Variants in CALN1 observed in about 807,000 individuals in gnomAD.
CALN1 encodes the protein calcium-binding protein 8.
Under a neutral mutation model 30.6 loss-of-function variants are expected in CALN1, and 17 were observed. The ratio of observed to expected loss-of-function variants is 0.56; its 90% CI spans 0.38 to 0.83. The LOEUF is 0.83. CALN1 is among the 40% of genes least tolerant of loss of function. The probability of loss-of-function intolerance (pLI) is 0.00; values close to 1 mark genes in which losing one functional copy is unlikely to be tolerated. For synonymous variants in CALN1, 156 were observed against 131.4 expected (o/e 1.19, Z -1.28); for missense variants, 291 against 354.9 (o/e 0.82, Z 1.45).
chr7:71,900,329 G>C (rs1262690226), intron 5 of CALN1, among the ~76,000 whole-genome samples: 1 of 152,152 alleles, frequency 6.6e-6, no homozygotes, highest in Non-Finnish European at 1.5e-5. Flanking sequence ...TCTATCAAGA[G>C]AAAGAAAGAC....
chr7:72,349,238 T>C (rs1049562927), intron 2 of CALN1, among the ~76,000 whole-genome samples: 1 of 151,814 alleles, frequency 6.6e-6, no homozygotes, highest in African/African-American at 2.4e-5. Context: ...TCGATTTTAA[T>C]ACCTAAAGCG....
chr7:72,465,825 CG>C, the CALN1 span, among the ~76,000 whole-genome samples: 1 of 152,272 alleles, frequency 6.6e-6, no homozygotes, highest in East Asian at 1.9e-4. Context: ...CCACTCAGAG[CG>C]CGGAATCCCC....
rs563238675 is a variant in CALN1, at chr7:72,220,852, T to C, written c.244+57834A>G. ...TGCATAAATGTCTTCTTCTGAGAAG[T>C]GTCTGTTCATGTCCTTCGCCCACTT... On this transcript the variant is annotated intron_variant, in intron 3 of 6. Coordinates refer to ENST00000395275, the MANE Select transcript of CALN1 (RefSeq NM_031468.4). 6.6e-5 allele frequency among the ~76,000 whole-genome samples: 10 copies of C among 152,316 alleles called. No homozygotes were observed. In the South Asian group the frequency reaches 2.1e-3, roughly 32 times the overall value.
chr7:72,499,826 CTTCTTTCTTTCTTTCTTTCTTTCTTTCT>C, the CALN1 span, among the ~76,000 whole-genome samples: 293 of 53,204 alleles, frequency 5.5e-3, 8 homozygotes, highest in Non-Finnish European at 7.4e-3. Flanking sequence ...TCCTTCCTTC[CTTCTTTCTTTCTTTCTTTCTTTCTTTCT>C]TTCTTTCTTT....
chr7:72,477,595 T>C, the CALN1 span, among the ~76,000 whole-genome samples: 1 of 152,176 alleles, frequency 6.6e-6, no homozygotes, highest in Non-Finnish European at 1.5e-5. Flanking sequence ...CTTTTTGTTG[T>C]TGTTTTTGTA....
At chr7:72,243,445 G>C (rs945069921) in intron 3 of CALN1, among the ~76,000 whole-genome samples, 1 of 152,168 alleles carries the variant, frequency 6.6e-6, no homozygotes, top group Non-Finnish European at 1.5e-5. Context: ...ACTGTCTAAC[G>C]TTTGTTTGTT....
chr7:72,227,236 T>TA (rs34824953), intron 3 of CALN1, among the ~76,000 whole-genome samples: 4,617 of 144,104 alleles, frequency 0.032, 228 homozygotes, highest in African/African-American at 0.11. Context: ...ATTAAAAGCT[T>TA]AAAAAAAAAA....
intron 4 of CALN1, among the ~76,000 whole-genome samples, chr7:72,039,294 C>T (rs993848813): frequency 1.3e-5 from 2 of 152,148 alleles, no homozygotes; most frequent in African/African-American, 4.8e-5. Context: ...GCTTGAGGAG[C>T]AGCTATGTAG....
chr7:72,284,483 T>C (rs773274260), intron 2 of CALN1, among the ~76,000 whole-genome samples: 2 of 149,718 alleles, frequency 1.3e-5, no homozygotes, highest in South Asian at 2.2e-4. Context: ...TTTGAATTGG[T>C]AGTCTGAGTA....
intron 3 of CALN1, among the ~76,000 whole-genome samples, chr7:72,116,596 G>A (rs1808000437): frequency 6.6e-6 from 1 of 152,106 alleles, no homozygotes; most frequent in Admixed American, 6.6e-5. Flanking sequence ...CCATGCAAAA[G>A]GGCACAGCTA....
At chr7:72,259,944 T>C (rs1320064022) in intron 3 of CALN1, among the ~76,000 whole-genome samples, 1 of 152,210 alleles carries the variant, frequency 6.6e-6, no homozygotes, top group East Asian at 1.9e-4. Flanking sequence ...AGCATCAATA[T>C]ACCTTGTCCA....
rs73369884 is a variant in CALN1, at chr7:72,072,229, A to G, written c.388+33922T>C. On this transcript the variant is annotated intron_variant, in intron 4 of 6. Transcript: ENST00000395275. The stretch of plus-strand genomic sequence containing the variant: ...CCCACATCAAGACATACTATAGTCA[A>G]ACTTTCAAAAGACAAAGAGAAAATC... Among the ~76,000 whole-genome samples the G allele has an allele frequency of 3.5e-3, 539 of 152,346 alleles. 7 individuals are homozygous for G. Among genetic ancestry groups the G allele is most frequent in the African/African-American group, 0.012 (505 of 41,590 alleles).
Position 71,779,841 on chromosome 7 carries a change from G to A in CALN1, c.*7934C>T, listed in dbSNP as rs868702223. 5 of 152,164 alleles carry A rather than the reference G, an allele frequency of 3.3e-5. No homozygotes were observed. The highest frequency in any genetic ancestry group is 1.3e-4 in the Admixed American group (2 of 15,284). The allele number at this position is 152,164 out of a possible 1,614,324, so 9.4% of individuals were successfully genotyped here. A position where few individuals can be genotyped will look rare whatever the true frequency, so the allele number is the denominator to read the frequency against. On this transcript the variant is annotated 3_prime_UTR_variant, in exon 7 of 7. Coordinates refer to ENST00000395275, the MANE Select transcript of CALN1 (RefSeq NM_031468.4). Reference sequence around the variant, plus strand: ...GGGAAGATGGTGATTGATGAGTTCCGTCTTAGTGGCTTATTCTGGATATGA... The same window carrying A: ...GGGAAGATGGTGATTGATGAGTTCCATCTTAGTGGCTTATTCTGGATATGA...
At chr7:72,208,140 T>A (rs538568890) in intron 3 of CALN1, among the ~76,000 whole-genome samples, 1 of 152,356 alleles carries the variant, frequency 6.6e-6, no homozygotes, top group African/African-American at 2.4e-5. Context: ...AAGCCTCAGA[T>A]GGCATTCACT....
intron 5 of CALN1, among the ~76,000 whole-genome samples, chr7:71,972,719 C>A (rs569840796): frequency 2.0e-5 from 3 of 152,134 alleles, no homozygotes; most frequent in Non-Finnish European, 4.4e-5. Context: ...CAGCTTCGTG[C>A]GTGCTTCATT....
At chr7:72,111,644 C>T (rs1033875239) in intron 3 of CALN1, among the ~76,000 whole-genome samples, 2 of 152,002 alleles carry the variant, frequency 1.3e-5, no homozygotes, top group Non-Finnish European at 2.9e-5. Flanking sequence ...AACAGGGTCT[C>T]GCCATGTTGC....
chr7:72,475,407 C>G, the CALN1 span, among the ~76,000 whole-genome samples: 1 of 151,910 alleles, frequency 6.6e-6, no homozygotes, highest in Non-Finnish European at 1.5e-5. Flanking sequence ...TGCAGTGAGC[C>G]GAGATCGCGC....
chr7:71,874,084 A>G (rs6460693), intron 5 of CALN1, among the ~76,000 whole-genome samples: 62,780 of 151,614 alleles, frequency 0.41, 15,314 homozygotes, highest in African/African-American at 0.68. Flanking sequence ...AGAACAGCCC[A>G]GCCAACATGG....
At chr7:72,391,798 C>A (rs1365721295) in intron 2 of CALN1, among the ~76,000 whole-genome samples, 1 of 152,170 alleles carries the variant, frequency 6.6e-6, no homozygotes, top group Non-Finnish European at 1.5e-5. Context: ...ACACCCCCAG[C>A]CACATGGAAC....
Sources: gnomAD v4.1 joint callset for allele counts (sites outside exome capture counted in the v4.1 genomes callset) on GRCh38, gnomAD v4.1.1 for gene constraint, MANE v1.5 for transcripts, NCBI Gene and HGNC (gene_info 2026-07-23, HGNC 2026-07-21) for gene names.